SLC7A14: variants seen among roughly 807,000 people sequenced by gnomAD.
SLC7A14 encodes the protein gamma-aminobutyric acid transporter SLC7A14.
In SLC7A14, 37 loss-of-function variants were observed where a neutral mutation model predicts 60.2. The ratio of observed to expected loss-of-function variants is 0.61; its 90% confidence interval spans 0.47 to 0.81. The LOEUF is 0.81. Ranked by LOEUF, SLC7A14 falls within the 30% of genes least tolerant of loss-of-function variation. The pLI, the probability that SLC7A14 is intolerant of heterozygous loss-of-function variation, is 0.00. For synonymous variants in SLC7A14, 399 were observed against 395.8 expected (o/e 1.01, Z -0.10); for missense variants, 886 against 982.7 (o/e 0.90, Z 1.32).
intron 7 of SLC7A14, among the ~76,000 whole-genome samples, chr3:170,470,480 G>T (rs1739865585): frequency 6.6e-6 from 1 of 152,096 alleles, no homozygotes; most frequent in Non-Finnish European, 1.5e-5. Context: ...GAGTTTCAAA[G>T]GTGTATCACT....
At chr3:170,469,644 G>A (rs1038740752) in intron 7 of SLC7A14, among the ~76,000 whole-genome samples, 3 of 152,114 alleles carry the variant, frequency 2.0e-5, no homozygotes, top group Non-Finnish European at 4.4e-5. Flanking sequence ...GATTTCAGGC[G>A]ACCAGGCAGG....
At chr3:170,490,278 C>G (rs893551345) in intron 4 of SLC7A14, among the ~76,000 whole-genome samples, 2 of 152,170 alleles carry the variant, frequency 1.3e-5, no homozygotes, top group Non-Finnish European at 1.5e-5. Context: ...CTTCCTTTAA[C>G]ATTTATTCTT....
intron 1 of SLC7A14, among the ~76,000 whole-genome samples, chr3:170,577,645 A>G (rs1311156681): frequency 6.6e-6 from 1 of 151,004 alleles, no homozygotes; most frequent in African/African-American, 2.4e-5. Flanking sequence ...AAAAAAAAAA[A>G]AAAGAAAACC....
intron 2 of SLC7A14, among the ~76,000 whole-genome samples, chr3:170,517,633 A>C (rs2108289371): frequency 6.6e-6 from 1 of 152,318 alleles, no homozygotes; most frequent in South Asian, 2.1e-4. Context: ...CTCAAACCCA[A>C]GATGAATACT....
chr3:170,533,506 G>C (rs545759919), intron 1 of SLC7A14, among the ~76,000 whole-genome samples: 1 of 152,284 alleles, frequency 6.6e-6, no homozygotes, highest in East Asian at 1.9e-4. Flanking sequence ...AATTTCTTCT[G>C]CGATCAACAG....
At chr3:170,523,554 C>T (rs1009451141) in intron 2 of SLC7A14, among the ~76,000 whole-genome samples, 5 of 152,060 alleles carry the variant, frequency 3.3e-5, no homozygotes, top group Non-Finnish European at 7.4e-5. Context: ...CTTTTTTCTC[C>T]CTCTGCTTGG....
intron 1 of SLC7A14, among the ~76,000 whole-genome samples, chr3:170,548,018 G>A (rs1431121250): frequency 6.6e-6 from 1 of 152,160 alleles, no homozygotes; most frequent in East Asian, 1.9e-4. Context: ...AGTGCCCTTT[G>A]CCAGACTGCC....
rs899652003 is a variant in SLC7A14 at position 170,464,432 on chromosome 3, G to T, written c.*2623C>A. On this transcript the variant is annotated 3_prime_UTR_variant, in exon 8 of 8. Transcript: ENST00000231706. ...AACCTGTTAAGAAAATAGTAATATTGTCATTGTAGTGATTGATGGTATTTG... is the reference window on the plus strand; with the variant it reads ...AACCTGTTAAGAAAATAGTAATATTTTCATTGTAGTGATTGATGGTATTTG... The T allele has an allele frequency of 6.6e-6, 1 of 152,204 alleles. No homozygotes were observed. Among genetic ancestry groups the T allele is most frequent in the African/African-American group, 2.4e-5 (1 of 41,450 alleles). The allele number at this position is 152,204 out of a possible 1,614,324, so 9.4% of individuals were successfully genotyped here.
At chr3:170,559,781 A>G (rs1044690866) in intron 1 of SLC7A14, among the ~76,000 whole-genome samples, 28 of 152,152 alleles carry the variant, frequency 1.8e-4, no homozygotes, top group African/African-American at 6.8e-4. Flanking sequence ...GGGAAGTTAT[A>G]CTGCAGTTGT....
chr3:170,550,118 C>T (rs914122108), intron 1 of SLC7A14, among the ~76,000 whole-genome samples: 4 of 152,200 alleles, frequency 2.6e-5, no homozygotes, highest in African/African-American at 9.7e-5. Flanking sequence ...CTTAATGCCA[C>T]CTTTTTAACA....
At chr3:170,580,081 C>T (rs1042941273) in intron 1 of SLC7A14, among the ~76,000 whole-genome samples, 1 of 152,178 alleles carries the variant, frequency 6.6e-6, no homozygotes, top group Non-Finnish European at 1.5e-5. Flanking sequence ...ATAGGGAATA[C>T]TGAATTCTTG....
chr3:170,506,967 C>G (rs888543622), intron 2 of SLC7A14, among the ~76,000 whole-genome samples: 5 of 152,108 alleles, frequency 3.3e-5, no homozygotes, highest in African/African-American at 1.2e-4. Flanking sequence ...TGGAGAAAGG[C>G]TTCTCCACTT....
intron 7 of SLC7A14, 147 bp downstream of exon 7, chr3:170,480,142 G>C: frequency 1.5e-6 from 1 of 671,068 alleles, no homozygotes; most frequent in Non-Finnish European, 2.3e-6. Context: ...TGGCTTTATT[G>C]ACTCTTAGGC....
rs1713530625 is a variant in SLC7A14, at chr3:170,527,032, T to C, written c.-96A>G. On this transcript the variant is annotated 5_prime_UTR_variant, in exon 2 of 8. Transcript: ENST00000231706. ...GGAACTCATCTAGTGAACAGGGATC[T>C]CCCTTTTAGGAAAGGCCCAGAGGGA... The C allele has an allele frequency of 5.1e-6, 7 of 1,365,788 alleles. No individual in the cohort carries two copies. Among genetic ancestry groups the C allele is most frequent in the Admixed American group, 4.8e-5 (2 of 41,856 alleles). The allele number at this position is 1,365,788 out of a possible 1,614,324, so 84.6% of individuals were successfully genotyped here. A position where few individuals can be genotyped will look rare whatever the true frequency, so the allele number is the denominator to read the frequency against.
At chr3:170,482,844 A>T (rs969497972) in intron 6 of SLC7A14, among the ~76,000 whole-genome samples, 1 of 152,128 alleles carries the variant, frequency 6.6e-6, no homozygotes, top group African/African-American at 2.4e-5. Flanking sequence ...AATAAATGGC[A>T]GCTGGTGTTG....
chr3:170,582,103 C>T (rs1049999702), intron 1 of SLC7A14, among the ~76,000 whole-genome samples: 3 of 152,122 alleles, frequency 2.0e-5, no homozygotes, highest in African/African-American at 7.2e-5. Flanking sequence ...GCTACCAGCT[C>T]CTTAAGTAAG....
chr3:170,503,346 T>C (rs1712671885), intron 2 of SLC7A14, among the ~76,000 whole-genome samples: 1 of 152,188 alleles, frequency 6.6e-6, no homozygotes, highest in African/African-American at 2.4e-5. Context: ...GAAATGGTCT[T>C]TGAAGAAGGC....
At chr3:170,488,983 C>A (rs2108273612) in intron 4 of SLC7A14, among the ~76,000 whole-genome samples, 1 of 150,772 alleles carries the variant, frequency 6.6e-6, no homozygotes, top group African/African-American at 2.5e-5. Flanking sequence ...CAATCATAGG[C>A]TGTAAGACTA....
At chr3:170,516,689 C>G (rs897831505) in intron 2 of SLC7A14, among the ~76,000 whole-genome samples, 2 of 152,092 alleles carry the variant, frequency 1.3e-5, no homozygotes, top group African/African-American at 4.8e-5. Flanking sequence ...ATCACTCGGG[C>G]CCAGGAGTTT....
Sources: allele counts gnomAD v4.1 joint callset (sites outside exome capture counted in the v4.1 genomes callset), GRCh38; gene constraint gnomAD v4.1.1; transcripts MANE v1.5; gene names NCBI Gene and HGNC (gene_info 2026-07-23, HGNC 2026-07-21).